Variants in RBMS2 observed in about 807,000 individuals in gnomAD.
The protein encoded by RBMS2 is RNA binding motif single stranded interacting protein 2, also known as RNA-binding motif, single-stranded-interacting protein 2.
A neutral mutation model predicts 58.4 loss-of-function variants in RBMS2; 38 were observed. The observed-to-expected ratio is 0.65, with a 90% CI of 0.50 to 0.85. The LOEUF is 0.85. RBMS2 is among the 40% of genes least tolerant of loss of function. The probability of loss-of-function intolerance (pLI) is 0.00; values close to 1 mark genes in which losing one functional copy is unlikely to be tolerated. For synonymous variants in RBMS2, 151 were observed against 180.7 expected (o/e 0.84, Z 1.32); for missense variants, 367 against 503.7 (o/e 0.73, Z 2.60).
chr12:56,578,411 G>A (rs1883456045), intron 5 of RBMS2, among the ~76,000 whole-genome samples: 1 of 152,164 alleles, frequency 6.6e-6, no homozygotes, highest in Non-Finnish European at 1.5e-5. Context: ...TTACAGAGGT[G>A]AGCCACCACA....
At chr12:56,551,144 G>A (rs1878208757) in intron 1 of RBMS2, among the ~76,000 whole-genome samples, 1 of 151,198 alleles carries the variant, frequency 6.6e-6, no homozygotes, top group Non-Finnish European at 1.5e-5. Flanking sequence ...AAAAAAAAAA[G>A]GGATAGATCT....
In RBMS2 at chr12:56,588,341, C is replaced by T. The variant is rs763069410; in HGVS notation, c.1110C>T (p.Tyr370=). Residue 370 remains tyrosine, a synonymous_variant, in exon 12 of 14, where the codon TAC becomes TAT. Coordinates refer to ENST00000262031, the MANE Select transcript of RBMS2 (RefSeq NM_002898.4). ...AAMQGAYISQ[Y]TPVPSSSVSV... ...TGCAAGGAGCTTACATCTCCCAGTA[C>T]ACCCCTGTGCCTTCTTCCAGTGTTT... is the stretch of plus-strand genomic sequence containing the variant. The T allele has an allele frequency of 6.8e-6, 11 of 1,613,820 alleles. No homozygotes were observed. The East Asian group carries it at 2.0e-4, about 29-fold the overall frequency.
intron 1 of RBMS2, among the ~76,000 whole-genome samples, chr12:56,551,988 T>C (rs1043510368): frequency 2.0e-5 from 3 of 152,130 alleles, no homozygotes; most frequent in Non-Finnish European, 2.9e-5. Flanking sequence ...CGTGGGAGGC[T>C]GAGGCAGGAG....
intron 5 of RBMS2, among the ~76,000 whole-genome samples, chr12:56,575,344 G>A (rs1370816924): frequency 6.6e-6 from 1 of 152,030 alleles, no homozygotes; most frequent in Non-Finnish European, 1.5e-5. Context: ...GGCTAAGGTG[G>A]GAGGATCACC....
chr12:56,563,588 G>A (rs1466101930), intron 2 of RBMS2, among the ~76,000 whole-genome samples: 2 of 152,132 alleles, frequency 1.3e-5, no homozygotes, highest in African/African-American at 2.4e-5. Flanking sequence ...AGAGTGCACA[G>A]ATGTCCAGCT....
chr12:56,565,000 A>C (rs753616964), intron 2 of RBMS2, among the ~76,000 whole-genome samples: 35 of 152,198 alleles, frequency 2.3e-4, no homozygotes, highest in Non-Finnish European at 4.3e-4. Flanking sequence ...TGACAGAGCA[A>C]GACTTCGTCT....
intron 1 of RBMS2, among the ~76,000 whole-genome samples, chr12:56,559,449 G>T (rs1879944076): frequency 1.3e-5 from 2 of 151,140 alleles, no homozygotes; most frequent in African/African-American, 4.9e-5. Flanking sequence ...GCCTCCCAAA[G>T]TGCTGGGATT....
At chr12:56,548,876 A>G (rs1384896153) in intron 1 of RBMS2, among the ~76,000 whole-genome samples, 3 of 152,168 alleles carry the variant, frequency 2.0e-5, no homozygotes, top group Non-Finnish European at 2.9e-5. Flanking sequence ...CTGGCAGTTC[A>G]TAGTTAAGGG....
chr12:56,561,323 T>C (rs1417054990), intron 1 of RBMS2, among the ~76,000 whole-genome samples: 2 of 152,160 alleles, frequency 1.3e-5, no homozygotes, highest in African/African-American at 4.8e-5. Flanking sequence ...TGTTTTTAGG[T>C]CTTTGAGGAA....
chr12:56,588,557 T>C, intron 12 of RBMS2, 183 bp downstream of exon 12: 3 of 618,432 alleles, frequency 4.9e-6, no homozygotes, highest in Non-Finnish European at 8.5e-6. Flanking sequence ...ATTGGAACAA[T>C]ACAGAGAAGA....
chr12:56,566,633 C>T (rs1881388524), intron 2 of RBMS2, among the ~76,000 whole-genome samples: 1 of 152,176 alleles, frequency 6.6e-6, no homozygotes, highest in Non-Finnish European at 1.5e-5. Context: ...GCCTGACCAA[C>T]ATGGTGAAAC....
At chr12:56,580,963 A>G (rs1001806920) in intron 5 of RBMS2, among the ~76,000 whole-genome samples, 1 of 152,212 alleles carries the variant, frequency 6.6e-6, no homozygotes, top group Non-Finnish European at 1.5e-5. Flanking sequence ...CATTATTCCT[A>G]TGAGGATCCC....
intron 2 of RBMS2, among the ~76,000 whole-genome samples, chr12:56,568,330 C>T (rs1343591285): frequency 2.0e-5 from 3 of 152,234 alleles, no homozygotes; most frequent in Admixed American, 2.0e-4. Context: ...CAGAGCTCTG[C>T]CTCTACACAC....
intron 1 of RBMS2, among the ~76,000 whole-genome samples, chr12:56,550,981 G>C (rs1878163785): frequency 6.6e-6 from 1 of 151,814 alleles, no homozygotes; most frequent in Admixed American, 6.6e-5. Context: ...AGCCAGGTAT[G>C]GTGGCATGCA....
rs1885781430 is a variant in RBMS2, at chr12:56,596,043, CT to C, written c.*6915del. 1 of 148,130 alleles carries C rather than the reference CT, an allele frequency of 6.8e-6. No homozygotes were observed. Among genetic ancestry groups the C allele is most frequent in the Non-Finnish European group, 1.5e-5 (1 of 66,872 alleles). The allele number at this position is 148,130 out of a possible 1,614,324, so 9.2% of individuals were successfully genotyped here. ...AGTTTTTTCGCTAGACTTTTTTTTT[CT>C]TTTTAACCTTATTAAAAATGAGATT... On this transcript the variant is annotated 3_prime_UTR_variant, in exon 14 of 14. Coordinates refer to ENST00000262031, the MANE Select transcript of RBMS2 (RefSeq NM_002898.4).
At chr12:56,583,632 C>T (rs758328434) in intron 9 of RBMS2, among the ~76,000 whole-genome samples, 4 of 147,248 alleles carry the variant, frequency 2.7e-5, no homozygotes, top group East Asian at 2.0e-4. Flanking sequence ...CCAGCCTGGG[C>T]GACAAGAGTG....
Position 56,581,366 on chromosome 12 carries a change from A to G in RBMS2, c.623-33A>G, listed in dbSNP as rs756059994. ...CTGTGCCTGGGCCACATGAGGTGGG[A>G]CTCAGCTGCCCATCTGCCTTCTCTC... On this transcript the variant is annotated intron_variant, in intron 6 of 13. Transcript: ENST00000262031. The G allele has an allele frequency of 9.3e-6, 15 of 1,605,944 alleles. No homozygotes were observed. The African/African-American group carries it at 1.7e-4, about 19-fold the overall frequency.
At chr12:56,570,285 C>T (rs999147171) in intron 4 of RBMS2, among the ~76,000 whole-genome samples, 3 of 152,148 alleles carry the variant, frequency 2.0e-5, no homozygotes, top group African/African-American at 7.2e-5. Context: ...TATTATTCAC[C>T]CTGGCCCCAC....
At chr12:56,526,905 T>C (rs1425579371) in intron 1 of RBMS2, among the ~76,000 whole-genome samples, 3 of 152,112 alleles carry the variant, frequency 2.0e-5, no homozygotes, top group African/African-American at 7.2e-5. Context: ...ACCATTTCCT[T>C]TGGAAAAAAA....
Sources: gnomAD v4.1 joint callset for allele counts (sites outside exome capture counted in the v4.1 genomes callset) on GRCh38, gnomAD v4.1.1 for gene constraint, MANE v1.5 for transcripts, NCBI Gene and HGNC (gene_info 2026-07-23, HGNC 2026-07-21) for gene names.